The following C1QTNF2 variants were observed in gnomAD, a reference collection of about 807,000 sequenced individuals.
C1QTNF2 encodes complement C1q tumor necrosis factor-related protein 2.
A neutral mutation model predicts 17.4 loss-of-function variants in C1QTNF2; 15 were observed. The observed-to-expected ratio is 0.86, with a 90% CI of 0.58 to 1.33. C1QTNF2 has a LOEUF of 1.33. C1QTNF2 is among the 40% of genes most tolerant of loss of function. C1QTNF2 has a pLI of 0.00. For missense variants in C1QTNF2, 381 were observed against 392.3 expected (o/e 0.97, Z 0.24); for synonymous variants, 154 against 163.3 (o/e 0.94, Z 0.44).
At chr5:160,351,040 A>G (rs1763910787) in intron 2 of C1QTNF2, among the ~76,000 whole-genome samples, 2 of 152,164 alleles carry the variant, frequency 1.3e-5, no homozygotes, top group Admixed American at 6.5e-5. Flanking sequence ...GTGAGCCACC[A>G]CACCTGGCCC....
At chr5:160,359,851 C>A (rs1215418911) in intron 1 of C1QTNF2, among the ~76,000 whole-genome samples, 1 of 152,226 alleles carries the variant, frequency 6.6e-6, no homozygotes, top group African/African-American at 2.4e-5. Context: ...AACATCAGAA[C>A]CCAGGCCATG....
At position 160,349,117 on chromosome 5, in the gene C1QTNF2, A is replaced by T. The variant is rs763063156; in HGVS notation, c.*51T>A. 9 of 1,558,314 alleles carry T rather than the reference A, an allele frequency of 5.8e-6. 1 individual carries two copies. In the South Asian group the frequency reaches 8.7e-5, roughly 15 times the overall value. On this transcript the variant is annotated 3_prime_UTR_variant, in exon 3 of 3. Coordinates refer to ENST00000652664, the MANE Select transcript of C1QTNF2 (RefSeq NM_031908.6). This position sits in a 1 kb window ranked among gnomAD's most constrained non-coding sequence, Gnocchi z 4.3. ...CTACAGTTGTGGGGTCTTGCTCTGT[A>T]AGCCCAAGTCCAGAAGCTTGTTCCC...
At chr5:160,350,821 G>A (rs1350719041) in intron 2 of C1QTNF2, among the ~76,000 whole-genome samples, 1 of 147,752 alleles carries the variant, frequency 6.8e-6, no homozygotes, top group Non-Finnish European at 1.5e-5. Flanking sequence ...CGCGATCTCC[G>A]CTCACTGCAA....
chr5:160,358,799 C>CT (rs1331711509), intron 1 of C1QTNF2, among the ~76,000 whole-genome samples: 23 of 151,598 alleles, frequency 1.5e-4, no homozygotes, highest in African/African-American at 4.1e-4. Flanking sequence ...ATCTACATTG[C>CT]TTTTTTTATC....
rs765137165 is a variant in C1QTNF2 at position 160,349,654 on chromosome 5, G to C, written c.372C>G (p.Gly124=). 6.2e-7 allele frequency: 1 copy of C among 1,613,596 alleles called. No individual in the cohort carries two copies. Among genetic ancestry groups the C allele is most frequent in the East Asian group, 2.2e-5 (1 of 44,848 alleles). ...NGTPGKHGTP[G]KKGPKGKKGE... is the part of the protein sequence containing the mutation. ...CCTTCTTGCCCTTGGGCCCCTTCTT[G>C]CCTGGTGTGCCATGCTTCCCGGGGG... Residue 124 remains glycine, a synonymous_variant, in exon 3 of 3, where the codon GGC becomes GGG. Coordinates refer to ENST00000652664, the MANE Select transcript of C1QTNF2 (RefSeq NM_031908.6). The surrounding 1 kb of genome is among the most constrained non-coding windows in gnomAD (Gnocchi z 4.3).
intron 2 of C1QTNF2, among the ~76,000 whole-genome samples, chr5:160,350,750 ATTT>A (rs1354840992): frequency 2.1e-5 from 3 of 140,236 alleles, no homozygotes; most frequent in African/African-American, 2.6e-5. Context: ...CACAATGCCA[ATTT>A]TTTTTTTTTT....
chr5:160,353,423 C>T (rs1763963068), intron 2 of C1QTNF2, among the ~76,000 whole-genome samples: 1 of 152,022 alleles, frequency 6.6e-6, no homozygotes, highest in African/African-American at 2.4e-5. Flanking sequence ...TGGGGAGTTG[C>T]CCTTCACCAT....
chr5:160,353,482 C>A (rs1325815808), intron 2 of C1QTNF2, among the ~76,000 whole-genome samples: 57 of 152,078 alleles, frequency 3.7e-4, no homozygotes, highest in Non-Finnish European at 2.9e-5. Flanking sequence ...TGACTGACTG[C>A]CCCCACCACC....
At chr5:160,350,323 A>T (rs1207610951) in intron 2 of C1QTNF2, among the ~76,000 whole-genome samples, 1 of 150,536 alleles carries the variant, frequency 6.6e-6, no homozygotes, top group Non-Finnish European at 1.5e-5. Flanking sequence ...GCAGGAGTTA[A>T]AAAAAAAAGT....
chr5:160,355,584 C>T (rs190748089), intron 1 of C1QTNF2, among the ~76,000 whole-genome samples: 10 of 152,270 alleles, frequency 6.6e-5, no homozygotes, highest in South Asian at 2.1e-4. Context: ...GCTTCCTGTG[C>T]GCCAGGCATG....
intron 1 of C1QTNF2, among the ~76,000 whole-genome samples, chr5:160,368,659 G>A (rs1046631123): frequency 1.3e-4 from 20 of 152,176 alleles, no homozygotes; most frequent in African/African-American, 4.6e-4. Context: ...GGAAGAAGGA[G>A]TGGGTGAAGC....
rs1313443057 is a variant in C1QTNF2 at position 160,349,221 on chromosome 5, G to A, written c.805C>T (p.Leu269Phe). 3 of 1,614,164 alleles carry A rather than the reference G, an allele frequency of 1.9e-6. No individual in the cohort carries two copies. Among genetic ancestry groups the A allele is most frequent in the East Asian group, 2.2e-5 (1 of 44,876 alleles). ...GCATAGATTAGGAAGCCCGTAAAGA[G>A]GCTGTCTGTCCAGTAAGGGTCATAG... is the stretch of plus-strand genomic sequence containing the variant. ...LFYDPYWTDSLFTGFLIYADQ... is the reference protein window; with the variant it reads ...LFYDPYWTDSFFTGFLIYADQ... The change falls in exon 3 of 3, where the codon CTC (leucine) becomes TTC (phenylalanine). Residue 269 changes from leucine (L) to phenylalanine (F), a missense_variant. Physicochemically the swap from Leu to Phe is conservative, Grantham distance 22 (BLOSUM62 0). Coordinates refer to ENST00000652664, the MANE Select transcript of C1QTNF2 (RefSeq NM_031908.6). The surrounding 1 kb of genome is among the most constrained non-coding windows in gnomAD (Gnocchi z 4.3).
chr5:160,354,598 GTATATATATATATATATA>G (rs1172776724), intron 2 of C1QTNF2, among the ~76,000 whole-genome samples, 152 bp downstream of exon 2: 50 of 30,884 alleles, frequency 1.6e-3, no homozygotes, highest in Non-Finnish European at 2.5e-3. Flanking sequence ...AAAAAAAAAA[GTATATATATATATATATA>G]TATATATATA....
intron 1 of C1QTNF2, among the ~76,000 whole-genome samples, chr5:160,361,046 G>A (rs546896414): frequency 1.3e-4 from 20 of 152,132 alleles, no homozygotes; most frequent in African/African-American, 3.9e-4. Context: ...CACCTGCCTC[G>A]CCTCAAAGTG....
chr5:160,352,452 C>T lies in C1QTNF2; in HGVS notation c.244+2316G>A, dbSNP rs758192782. ...TGACAAGCTTTGTTTGAGTTACATG[C>T]GCTGGGACTCTCCCAACACTGCCTT... is the stretch of plus-strand genomic sequence containing the variant. On this transcript the variant is annotated intron_variant, in intron 2 of 2. Transcript: ENST00000652664. 1.8e-4 allele frequency among the ~76,000 whole-genome samples: 28 copies of T among 152,268 alleles called. No homozygotes were observed. The Middle Eastern group carries it at 0.014, about 74-fold the overall frequency.
chr5:160,357,385 C>T (rs1764070704), intron 1 of C1QTNF2, among the ~76,000 whole-genome samples: 1 of 152,232 alleles, frequency 6.6e-6, no homozygotes, highest in Non-Finnish European at 1.5e-5. Context: ...GTCACACTTG[C>T]TCAACCTAGG....
rs1161310273 is a variant in C1QTNF2 at position 160,354,896 on chromosome 5, G to A, written c.116C>T (p.Pro39Leu). ...GGGGCCGGGTGGGCCCTGGGGGCCA[G>A]GCAGGCTGCAGACCAGTTGAGGGGA... Reference protein sequence around the residue: ...KGSPQLVCSLPGPQGPPGPPG... With the variant: ...KGSPQLVCSLLGPQGPPGPPG... Residue 39 changes from proline (P) to leucine (L), a missense_variant, in exon 2 of 3, where the codon CCT becomes CTT. Transcript: ENST00000652664. The A allele has an allele frequency of 3.1e-6, 5 of 1,604,408 alleles. No individual in the cohort carries two copies. The highest frequency in any genetic ancestry group is 4.3e-6 in the Non-Finnish European group (5 of 1,175,948).
chr5:160,355,517 G>A (rs943869050), intron 1 of C1QTNF2, among the ~76,000 whole-genome samples: 4 of 152,170 alleles, frequency 2.6e-5, no homozygotes, highest in Admixed American at 6.5e-5. Context: ...ACTGAGTGGA[G>A]GTCAACCATC....
intron 1 of C1QTNF2, among the ~76,000 whole-genome samples, chr5:160,362,361 G>A (rs747730184): frequency 2.0e-5 from 3 of 151,918 alleles, no homozygotes; most frequent in Non-Finnish European, 4.4e-5. Flanking sequence ...CCACAGTTCC[G>A]GGAAATCTCC....
Sources: allele counts gnomAD v4.1 joint callset (sites outside exome capture counted in the v4.1 genomes callset), GRCh38; gene constraint gnomAD v4.1.1; non-coding constraint Gnocchi (gnomAD v3.1); transcripts MANE v1.5; gene names NCBI Gene and HGNC (gene_info 2026-07-23, HGNC 2026-07-21).